Variants in NRG1 observed in about 807,000 individuals in gnomAD.
The protein encoded by NRG1 is neuregulin 1.
In NRG1, 18 loss-of-function variants were observed where a neutral mutation model predicts 63.8. The observed-to-expected ratio is 0.28, with a 90% CI of 0.19 to 0.42. NRG1 has a LOEUF of 0.42. Among genes scored for constraint, NRG1 ranks in the 10% least tolerant of loss-of-function variants. NRG1 has a pLI of 1.00. For missense variants in NRG1, 762 were observed against 814.7 expected (o/e 0.94, Z 0.79); for synonymous variants, 302 against 301.3 (o/e 1.00, Z -0.02).
intron 1 of NRG1, among the ~76,000 whole-genome samples, chr8:32,568,722 G>C: frequency 6.6e-6 from 1 of 152,192 alleles, no homozygotes; most frequent in Non-Finnish European, 1.5e-5. Flanking sequence ...TGCCTGCAGA[G>C]AATCCTGCTC....
intron 1 of NRG1, among the ~76,000 whole-genome samples, chr8:32,476,012 G>C (rs1411373281): frequency 6.6e-6 from 1 of 152,160 alleles, no homozygotes; most frequent in Non-Finnish European, 1.5e-5. Context: ...CCGAAGAGTA[G>C]TAAAAATTAG....
chr8:31,741,747 T>C (rs991309020), intron 1 of NRG1, among the ~76,000 whole-genome samples: 2 of 151,988 alleles, frequency 1.3e-5, no homozygotes, highest in African/African-American at 4.8e-5. Context: ...CAATACTGCT[T>C]TGGGGTATAC....
At chr8:32,260,304 G>A (rs1385276563) in intron 1 of NRG1, among the ~76,000 whole-genome samples, 1 of 152,194 alleles carries the variant, frequency 6.6e-6, no homozygotes, top group Non-Finnish European at 1.5e-5. Context: ...TGACGTCCTA[G>A]ATAATTTTGA....
At chr8:32,662,140 T>C (rs995226118) in intron 5 of NRG1, among the ~76,000 whole-genome samples, 51 of 152,346 alleles carry the variant, frequency 3.3e-4, no homozygotes, top group African/African-American at 1.2e-3. Context: ...ACATCTCTTA[T>C]GTATCAATAA....
At chr8:31,836,551 T>C (rs1234804347) in intron 1 of NRG1, among the ~76,000 whole-genome samples, 1 of 152,108 alleles carries the variant, frequency 6.6e-6, no homozygotes, top group Non-Finnish European at 1.5e-5. Flanking sequence ...ACTGGTAGGA[T>C]ATGTACACTA....
chr8:32,227,449 A>G (rs1271430692), intron 1 of NRG1, among the ~76,000 whole-genome samples: 1 of 152,204 alleles, frequency 6.6e-6, no homozygotes, highest in Non-Finnish European at 1.5e-5. Flanking sequence ...GAAAAAAACT[A>G]TTTTAAGAAA....
chr8:31,687,462 T>C lies in NRG1; in HGVS notation c.37+48031T>C, dbSNP rs188193450. On this transcript the variant is annotated intron_variant, in intron 1 of 10. Transcript: ENST00000519301. ...CTTTCTTTTGACTAATTTATTCCTT[T>C]TGGAATGAAAATATTTACTCAATGC... is the stretch of plus-strand genomic sequence containing the variant. Among the ~76,000 whole-genome samples, 479 of 152,318 alleles carry C rather than the reference T, an allele frequency of 3.1e-3. 2 individuals carry two copies. The highest frequency in any genetic ancestry group is 0.021 in the South Asian group (101 of 4,830).
At chr8:32,367,691 C>T (rs569560211) in intron 1 of NRG1, among the ~76,000 whole-genome samples, 1 of 151,994 alleles carries the variant, frequency 6.6e-6, no homozygotes, top group African/African-American at 2.4e-5. Flanking sequence ...AATATGGTCC[C>T]ATTTGTCTAG....
chr8:32,234,549 C>T (rs1847329857), intron 1 of NRG1, among the ~76,000 whole-genome samples: 1 of 152,174 alleles, frequency 6.6e-6, no homozygotes, highest in African/African-American at 2.4e-5. Context: ...TTTGCTCGCT[C>T]TACATTCCAT....
chr8:32,634,433 T>C (rs1850938112), intron 5 of NRG1, among the ~76,000 whole-genome samples: 1 of 152,182 alleles, frequency 6.6e-6, no homozygotes. Flanking sequence ...TCATACTGTT[T>C]AGTATGTTAA....
intron 1 of NRG1, among the ~76,000 whole-genome samples, chr8:32,487,414 A>C (rs1157295845): frequency 6.6e-6 from 1 of 151,732 alleles, no homozygotes; most frequent in Non-Finnish European, 1.5e-5. Flanking sequence ...ACATTTTTGG[A>C]GGTTGGTTTT....
At chr8:32,624,547 G>T (rs1030138632) in intron 5 of NRG1, among the ~76,000 whole-genome samples, 1 of 152,182 alleles carries the variant, frequency 6.6e-6, no homozygotes, top group East Asian at 1.9e-4. Flanking sequence ...GTTGAAAATT[G>T]TGTTTCATTG....
chr8:31,923,498 T>C (rs1187584643), intron 1 of NRG1, among the ~76,000 whole-genome samples: 2 of 152,192 alleles, frequency 1.3e-5, no homozygotes, highest in Non-Finnish European at 2.9e-5. Context: ...TTTTTATTTC[T>C]CTTTCTTGGA....
At chr8:32,072,775 G>A (rs1304846786) in intron 1 of NRG1, among the ~76,000 whole-genome samples, 2 of 152,068 alleles carry the variant, frequency 1.3e-5, no homozygotes, top group Non-Finnish European at 1.5e-5. Flanking sequence ...AGAATTTATT[G>A]TGTTAATTTC....
At chr8:32,067,393 C>T (rs1438251072) in intron 1 of NRG1, among the ~76,000 whole-genome samples, 1 of 152,142 alleles carries the variant, frequency 6.6e-6, no homozygotes. Flanking sequence ...GAGTTTTTAG[C>T]ATGAAGCGTT....
intron 1 of NRG1, among the ~76,000 whole-genome samples, chr8:31,798,439 C>G (rs946149736): frequency 3.9e-5 from 6 of 152,088 alleles, no homozygotes; most frequent in Admixed American, 3.9e-4. Flanking sequence ...CTTTTGCTGT[C>G]TTGCATTGTT....
chr8:32,021,552 G>T (rs961557465), intron 1 of NRG1, among the ~76,000 whole-genome samples: 1 of 152,072 alleles, frequency 6.6e-6, no homozygotes, highest in African/African-American at 2.4e-5. Context: ...CCACACTGGG[G>T]ATCAAATTTC....
intron 1 of NRG1, among the ~76,000 whole-genome samples, chr8:32,180,523 T>TA (rs551555270): frequency 1.5e-3 from 235 of 152,266 alleles, no homozygotes; most frequent in African/African-American, 5.5e-3. Flanking sequence ...CAAGATCTAC[T>TA]AACAGGGCTA....
At chr8:31,781,669 T>C (rs1258343318) in intron 1 of NRG1, among the ~76,000 whole-genome samples, 1 of 152,060 alleles carries the variant, frequency 6.6e-6, no homozygotes, top group Non-Finnish European at 1.5e-5. Context: ...AACATAAGCC[T>C]AAAAAGGTAG....
Sources: gnomAD v4.1 joint callset for allele counts (sites outside exome capture counted in the v4.1 genomes callset) on GRCh38, gnomAD v4.1.1 for gene constraint, MANE v1.5 for transcripts, NCBI Gene and HGNC (gene_info 2026-07-23, HGNC 2026-07-21) for gene names.